Variants in GRIN2B observed in about 807,000 individuals in gnomAD.
The protein encoded by GRIN2B is glutamate ionotropic receptor NMDA type subunit 2B.
A neutral mutation model predicts 114.5 loss-of-function variants in GRIN2B; 5 were observed. The ratio of observed to expected loss-of-function variants is 0.04; its 90% CI spans 0.02 to 0.09. The LOEUF (loss-of-function observed/expected upper bound fraction) is 0.09. GRIN2B is among the 10% of genes least tolerant of loss of function. GRIN2B has a pLI of 1.00. For synonymous variants in GRIN2B, 787 were observed against 745.1 expected (o/e 1.06, Z -0.92); for missense variants, 1,108 against 1,943.5 (o/e 0.57, Z 8.08).
chr12:13,699,029 A>C (rs1322376545), intron 4 of GRIN2B, among the ~76,000 whole-genome samples: 2 of 152,214 alleles, frequency 1.3e-5, no homozygotes, highest in Non-Finnish European at 1.5e-5. Flanking sequence ...GAAGGTGACC[A>C]TCCATTGAAA....
At chr12:13,811,015 A>T (rs1864719180) in intron 3 of GRIN2B, among the ~76,000 whole-genome samples, 1 of 152,260 alleles carries the variant, frequency 6.6e-6, no homozygotes, top group Non-Finnish European at 1.5e-5. Flanking sequence ...TCACATTGAG[A>T]AAGATTAATT....
At chr12:13,914,029 A>T (rs1332283296) in intron 2 of GRIN2B, among the ~76,000 whole-genome samples, 1 of 152,216 alleles carries the variant, frequency 6.6e-6, no homozygotes, top group East Asian at 1.9e-4. Flanking sequence ...GATTCAGCAG[A>T]TCCTCATTCC....
At position 13,866,149 on chromosome 12, in the gene GRIN2B, G is replaced by A. The variant is rs371566007; in HGVS notation, c.60C>T (p.Ala20=). 42 of 1,612,894 alleles carry A rather than the reference G, an allele frequency of 2.6e-5. No individual in the cohort carries two copies. The highest frequency in any genetic ancestry group is 8.9e-5 in the East Asian group (4 of 44,852). The change falls in exon 3 of 14, where the codon GCC becomes GCT. Residue 20 remains alanine (A), a synonymous_variant. Coordinates refer to ENST00000609686, the MANE Select transcript of GRIN2B (RefSeq NM_000834.5). ...PKFWLVLAVL[A]VSGSRARSQK... ...GAGAACGAGCTCTGCTGCCTGACAC[G>A]GCCAGGACGGCCAACACCAACCAGA...
At chr12:13,961,581 A>C (rs1345395400) in intron 2 of GRIN2B, among the ~76,000 whole-genome samples, 1 of 152,222 alleles carries the variant, frequency 6.6e-6, no homozygotes, top group Non-Finnish European at 1.5e-5. Flanking sequence ...ATTTTAACTG[A>C]ATAACTAAAT....
At position 13,698,234 on chromosome 12, in the gene GRIN2B, G is replaced by C. The variant is rs548579894; in HGVS notation, c.1011-22375C>G. On this transcript the variant is annotated intron_variant, in intron 4 of 13. Transcript: ENST00000609686. ...CGGTGGAGTTGGGGCGCGGGGCGCG[G>C]GGAGCGGAATGATTTTACATTTAGG... Among the ~76,000 whole-genome samples, 154 of 152,324 alleles carry C rather than the reference G, an allele frequency of 1.0e-3. 1 individual carries two copies. The highest frequency in any genetic ancestry group is 3.1e-3 in the Admixed American group (47 of 15,310).
chr12:13,914,298 C>T, intron 2 of GRIN2B, among the ~76,000 whole-genome samples: 1 of 152,278 alleles, frequency 6.6e-6, no homozygotes, highest in East Asian at 1.9e-4. Flanking sequence ...AGCTTGCACC[C>T]TTTTCCATGG....
chr12:13,939,740 G>A (rs1052982458), intron 2 of GRIN2B, among the ~76,000 whole-genome samples: 4 of 151,744 alleles, frequency 2.6e-5, no homozygotes, highest in African/African-American at 9.7e-5. Flanking sequence ...AGTAGAGGTG[G>A]GGTTTCACCA....
At chr12:13,667,899 A>G (rs1011600306) in intron 5 of GRIN2B, among the ~76,000 whole-genome samples, 1 of 152,232 alleles carries the variant, frequency 6.6e-6, no homozygotes, top group Non-Finnish European at 1.5e-5. Flanking sequence ...AATTACCTAC[A>G]TAATAAGAAA....
chr12:13,865,249 T>C (rs538254448), intron 3 of GRIN2B, among the ~76,000 whole-genome samples: 1 of 152,314 alleles, frequency 6.6e-6, no homozygotes, highest in East Asian at 1.9e-4. Context: ...GTCATTTCAG[T>C]GAGTCCATTT....
At chr12:13,784,407 A>G (rs1254384577) in intron 3 of GRIN2B, among the ~76,000 whole-genome samples, 1 of 152,036 alleles carries the variant, frequency 6.6e-6, no homozygotes, top group Non-Finnish European at 1.5e-5. Context: ...GCTCAATTTG[A>G]GGAGTCCCCA....
chr12:13,603,103 A>C (rs1036092723), intron 10 of GRIN2B, among the ~76,000 whole-genome samples: 4 of 152,184 alleles, frequency 2.6e-5, no homozygotes, highest in African/African-American at 9.7e-5. Context: ...ACAGTAGCTT[A>C]AAGCTAAGGG....
intron 2 of GRIN2B, among the ~76,000 whole-genome samples, chr12:13,887,181 A>C (rs1866176347): frequency 6.6e-6 from 1 of 152,226 alleles, no homozygotes; most frequent in Admixed American, 6.5e-5. Flanking sequence ...CTTTGGAGAA[A>C]CCGTTCAATG....
At chr12:13,643,344 G>C (rs1949737338) in intron 5 of GRIN2B, among the ~76,000 whole-genome samples, 1 of 152,106 alleles carries the variant, frequency 6.6e-6, no homozygotes, top group African/African-American at 2.4e-5. Context: ...ATACTATACT[G>C]TAGTCTGTTA....
rs1555122534 is a variant in GRIN2B at position 13,694,656 on chromosome 12, C to CACATATATATAT, written c.1011-18798_1011-18797insATATATATATGT. Among the ~76,000 whole-genome samples, 429 of 71,314 alleles carry CACATATATATAT rather than the reference C, an allele frequency of 6.0e-3. 67 individuals are homozygous for CACATATATATAT. Among genetic ancestry groups the CACATATATATAT allele is most frequent in the Non-Finnish European group, 7.1e-3 (285 of 40,076 alleles). The allele number at this position is 71,314 out of a possible 152,430, so 46.8% of individuals were successfully genotyped here. On this transcript the variant is annotated intron_variant, in intron 4 of 13. Transcript: ENST00000609686. ...CCCAGTCTATTGTGCAAGAAAATGT[C>CACATATATATAT]ATATATATATATATATATATATATA...
chr12:13,795,432 C>T (rs929682288), intron 3 of GRIN2B, among the ~76,000 whole-genome samples: 1 of 151,468 alleles, frequency 6.6e-6, no homozygotes, highest in Non-Finnish European at 1.5e-5. Context: ...CATGCACTTT[C>T]ACTATGCTGC....
chr12:13,841,875 A>C (rs2284427), intron 3 of GRIN2B, among the ~76,000 whole-genome samples: 1 of 150,740 alleles, frequency 6.6e-6, no homozygotes, highest in Non-Finnish European at 1.5e-5. Flanking sequence ...TTGTTTTTTT[A>C]AAAAAAATAT....
intron 10 of GRIN2B, among the ~76,000 whole-genome samples, chr12:13,607,396 A>G (rs866434770): frequency 3.9e-5 from 3 of 77,174 alleles, no homozygotes; most frequent in Non-Finnish European, 6.8e-5. Flanking sequence ...TATATATTAT[A>G]TATAATATAT....
rs1049998742 is a variant in GRIN2B, at chr12:13,899,301, T to C, written c.-18-33075A>G. Among the ~76,000 whole-genome samples the C allele has an allele frequency of 9.2e-5, 14 of 151,768 alleles. 1 individual carries two copies. Among genetic ancestry groups the C allele is most frequent in the Admixed American group, 2.6e-4 (4 of 15,246 alleles). On this transcript the variant is annotated intron_variant, in intron 2 of 13. Transcript: ENST00000609686. ...AAACAAAGCACACAGCTTCTTTAAA[T>C]TGGAAAAACAGCCCTTAAAGAAAAA... is the stretch of plus-strand genomic sequence containing the variant.
At chr12:13,616,707 AAACAGCCTGTCCCAGT>A in intron 5 of GRIN2B, 50 bp from the exon 6 acceptor site, 1 of 1,402,740 alleles carries the variant, frequency 7.1e-7, no homozygotes. Flanking sequence ...ACAACATAAC[AAACAGCCTGTCCCAGT>A]ATTGTCTGAA....
Sources: allele counts gnomAD v4.1 joint callset (sites outside exome capture counted in the v4.1 genomes callset), GRCh38; gene constraint gnomAD v4.1.1; transcripts MANE v1.5; gene names NCBI Gene and HGNC (gene_info 2026-07-23, HGNC 2026-07-21).